PPP2R2C: variants seen among roughly 807,000 people sequenced by gnomAD.
PPP2R2C encodes protein phosphatase 2 regulatory subunit Bgamma.
Under a neutral mutation model 45.3 loss-of-function variants are expected in PPP2R2C, and 10 were observed. That is an observed-to-expected ratio of 0.22 (90% CI 0.14 to 0.37). The LOEUF (loss-of-function observed/expected upper bound fraction) is 0.37. Ranked by LOEUF, PPP2R2C falls within the 10% of genes least tolerant of loss-of-function variation. PPP2R2C has a pLI of 1.00. For missense variants in PPP2R2C, 308 were observed against 619.7 expected, an observed-to-expected ratio of 0.50 and a Z score of 5.34; for synonymous variants, 257 against 245.4, an observed-to-expected ratio of 1.05 and a Z score of -0.44.
At chr4:6,355,484 A>T (rs1227279356) in intron 5 of PPP2R2C, among the ~76,000 whole-genome samples, 2 of 151,758 alleles carry the variant, frequency 1.3e-5, no homozygotes, top group Non-Finnish European at 2.9e-5. Context: ...TAACCTGTAC[A>T]ATGTGCACAT....
At chr4:6,342,916 C>T (rs566597779) in intron 6 of PPP2R2C, among the ~76,000 whole-genome samples, 52 of 152,306 alleles carry the variant, frequency 3.4e-4, no homozygotes, top group African/African-American at 1.1e-3. Context: ...AAATGCTCAC[C>T]TTCCTGCATC....
chr4:6,502,919 G>C (rs144374700), intron 2 of PPP2R2C, among the ~76,000 whole-genome samples: 2 of 151,802 alleles, frequency 1.3e-5, no homozygotes, highest in Non-Finnish European at 2.9e-5. Flanking sequence ...TCCCAGACCC[G>C]GCCGCTATTG....
chr4:6,525,934 C>A (rs1724183565), intron 2 of PPP2R2C, among the ~76,000 whole-genome samples: 1 of 152,094 alleles, frequency 6.6e-6, no homozygotes, highest in Non-Finnish European at 1.5e-5. Flanking sequence ...GAACTCCTGA[C>A]CTCATGATCT....
At chr4:6,505,980 T>A (rs1723215927) in intron 2 of PPP2R2C, among the ~76,000 whole-genome samples, 1 of 152,024 alleles carries the variant, frequency 6.6e-6, no homozygotes, top group African/African-American at 2.4e-5. Flanking sequence ...ACATTTTTTT[T>A]AATTAAAAAA....
rs1715583601 is a variant in PPP2R2C at position 6,379,090 on chromosome 4, C to T, written c.169-518G>A. 2.0e-5 allele frequency among the ~76,000 whole-genome samples: 3 copies of T among 152,118 alleles called. No individual in the cohort carries two copies. In the South Asian group the frequency reaches 6.2e-4, roughly 32 times the overall value. The stretch of plus-strand genomic sequence containing the variant: ...TGACTTGCTCCTGGATTCCACGTGT[C>T]CAACTCAGGCCTGACTTGAGGAATA... On this transcript the variant is annotated intron_variant, in intron 2 of 8. Coordinates refer to ENST00000382599, the MANE Select transcript of PPP2R2C (RefSeq NM_020416.4).
intron 2 of PPP2R2C, among the ~76,000 whole-genome samples, chr4:6,519,432 G>A (rs572676981): frequency 1.3e-5 from 2 of 152,162 alleles, no homozygotes; most frequent in South Asian, 4.2e-4. Context: ...GTCCACCCAG[G>A]CCCCACGGGA....
At chr4:6,336,513 G>A (rs964980743) in intron 6 of PPP2R2C, among the ~76,000 whole-genome samples, 17 of 152,000 alleles carry the variant, frequency 1.1e-4, no homozygotes, top group Admixed American at 3.3e-4. Flanking sequence ...GGAAGGGGCA[G>A]GAGGAGGGGG....
intron 2 of PPP2R2C, among the ~76,000 whole-genome samples, chr4:6,500,745 G>T (rs73796231): frequency 0.034 from 5,145 of 152,322 alleles, 96 homozygotes; most frequent in African/African-American, 0.058. Flanking sequence ...GCCTTGCATG[G>T]TACATACCCT....
intron 5 of PPP2R2C, among the ~76,000 whole-genome samples, chr4:6,371,717 T>C (rs569363664): frequency 1.3e-5 from 2 of 152,356 alleles, no homozygotes; most frequent in African/African-American, 2.4e-5. Context: ...AAAGGAGACT[T>C]AGAATAGTAC....
rs775528074 is a variant in PPP2R2C, at chr4:6,345,528, G to C, written c.790+2318C>G. 6.6e-6 allele frequency among the ~76,000 whole-genome samples: 1 copy of C among 152,180 alleles called. No homozygotes were observed. The highest frequency in any genetic ancestry group is 2.4e-5 in the African/African-American group (1 of 41,450). On this transcript the variant is annotated intron_variant, in intron 6 of 8. Transcript: ENST00000382599. This position sits in a 1 kb window ranked among gnomAD's most constrained non-coding sequence, Gnocchi z 5.3. Reference sequence around the variant, plus strand: ...GGCGATCACAAGGGCCTTTATACGCGAAAGACAGACAGGAGGGTCAGAGAC... The same window carrying C: ...GGCGATCACAAGGGCCTTTATACGCCAAAGACAGACAGGAGGGTCAGAGAC...
intron 6 of PPP2R2C, among the ~76,000 whole-genome samples, chr4:6,340,884 G>A (rs896030625): frequency 8.5e-5 from 13 of 152,220 alleles, no homozygotes; most frequent in African/African-American, 2.7e-4. Context: ...TCCAGCCTCT[G>A]TATCCAGCCA....
At chr4:6,380,736 G>A (rs955884691) in intron 2 of PPP2R2C, among the ~76,000 whole-genome samples, 4 of 151,346 alleles carry the variant, frequency 2.6e-5, no homozygotes, top group Non-Finnish European at 4.4e-5. Flanking sequence ...CCCTACCACC[G>A]CCCGCCACTC....
intron 2 of PPP2R2C, among the ~76,000 whole-genome samples, chr4:6,510,590 A>ACACG (rs1203874817): frequency 1.3e-5 from 2 of 152,148 alleles, no homozygotes; most frequent in Non-Finnish European, 2.9e-5. Context: ...ATGCACATAC[A>ACACG]CACGCACGCA....
intron 5 of PPP2R2C, among the ~76,000 whole-genome samples, chr4:6,360,627 G>C (rs540416741): frequency 6.6e-6 from 1 of 152,320 alleles, no homozygotes; most frequent in African/African-American, 2.4e-5. Flanking sequence ...GCCCTAGAAG[G>C]CCTCCCACAC....
chr4:6,543,808 T>C (rs1724885321), intron 1 of PPP2R2C, among the ~76,000 whole-genome samples: 1 of 152,312 alleles, frequency 6.6e-6, no homozygotes, highest in African/African-American at 2.4e-5. Context: ...CTCATGACCA[T>C]GAGCAAGAAA....
chr4:6,478,123 C>T (rs1264354233), intron 2 of PPP2R2C, among the ~76,000 whole-genome samples: 1 of 152,242 alleles, frequency 6.6e-6, no homozygotes, highest in Non-Finnish European at 1.5e-5. Flanking sequence ...TCTGCACACA[C>T]TCATGCTCCC....
chr4:6,446,202 C>T (rs1469796273), intron 1 of PPP2R2C, among the ~76,000 whole-genome samples: 1 of 152,220 alleles, frequency 6.6e-6, no homozygotes, highest in Non-Finnish European at 1.5e-5. Flanking sequence ...CGTTCTGAGA[C>T]TCTAGAACTC....
intron 6 of PPP2R2C, among the ~76,000 whole-genome samples, chr4:6,342,081 T>TACACACACACACAC (rs58305750): frequency 5.7e-5 from 8 of 139,718 alleles, no homozygotes; most frequent in East Asian, 4.3e-4. Flanking sequence ...TCTGCCACGA[T>TACACACACACACAC]ACACACACAC....
intron 1 of PPP2R2C, among the ~76,000 whole-genome samples, chr4:6,539,355 C>T (rs1724733432): frequency 1.3e-5 from 2 of 152,280 alleles, no homozygotes; most frequent in South Asian, 4.1e-4. Flanking sequence ...ACACTGTGAC[C>T]TTGGACTTCT....
Sources: gnomAD v4.1 joint callset for allele counts (sites outside exome capture counted in the v4.1 genomes callset) on GRCh38, gnomAD v4.1.1 for gene constraint, Gnocchi (gnomAD v3.1) non-coding constraint, MANE v1.5 for transcripts, NCBI Gene and HGNC (gene_info 2026-07-23, HGNC 2026-07-21) for gene names.